Variants in STARD13 observed in about 807,000 individuals in gnomAD.
STARD13 encodes the protein StAR related lipid transfer domain containing 13.
STARD13 carries 62 observed loss-of-function variants against 106.4 expected under a neutral mutation model. That is an observed-to-expected ratio of 0.58 (90% confidence interval 0.48 to 0.72). The LOEUF (loss-of-function observed/expected upper bound fraction) is 0.72, where lower values mean the gene tolerates loss of function less well. Among genes scored for constraint, STARD13 ranks in the 30% least tolerant of loss-of-function variants. The pLI is 0.00. For missense variants in STARD13, 1,387 were observed against 1,424.0 expected (o/e 0.97, Z 0.42); for synonymous variants, 565 against 553.0 (o/e 1.02, Z -0.31).
At chr13:33,106,093 T>A (rs1224134198) in intron 13 of STARD13, among the ~76,000 whole-genome samples, 1 of 152,164 alleles carries the variant, frequency 6.6e-6, no homozygotes, top group South Asian at 2.1e-4. Context: ...CTCAAAGAAC[T>A]ACCAGAGGGA....
chr13:33,584,568 A>G, the STARD13 span, among the ~76,000 whole-genome samples: 1 of 152,020 alleles, frequency 6.6e-6, no homozygotes, highest in Non-Finnish European at 1.5e-5. Flanking sequence ...TTGGGGGTAA[A>G]GTGATATCTC....
chr13:33,433,913 T>C, the STARD13 span, among the ~76,000 whole-genome samples: 2 of 152,112 alleles, frequency 1.3e-5, no homozygotes, highest in African/African-American at 4.8e-5. Context: ...TTGTAATGAG[T>C]CACAATGCCC....
intron 1 of STARD13, among the ~76,000 whole-genome samples, chr13:33,306,141 G>T (rs1027444342): frequency 6.6e-6 from 1 of 152,092 alleles, no homozygotes; most frequent in African/African-American, 2.4e-5. Context: ...ATAGACCAAT[G>T]GAACAGGATA....
chr13:33,462,510 C>T, the STARD13 span, among the ~76,000 whole-genome samples: 9 of 152,204 alleles, frequency 5.9e-5, no homozygotes, highest in East Asian at 3.9e-4. Context: ...CATGATAGGC[C>T]GTCTGCAAGC....
In STARD13 at chr13:33,270,729, C is replaced by T. The variant is rs140052126; in HGVS notation, c.169+14741G>A. ...GTTCTACTTAAGGCTCATATTATTC[C>T]TTTGTTTTCAAGGTTCATTTTCTTT... On this transcript the variant is annotated intron_variant, in intron 1 of 13. Coordinates refer to ENST00000336934, the MANE Select transcript of STARD13 (RefSeq NM_178006.4). Among the ~76,000 whole-genome samples the T allele has an allele frequency of 5.9e-5, 9 of 152,242 alleles. No individual in the cohort carries two copies. In the East Asian group the frequency reaches 1.4e-3, roughly 23 times the overall value.
At chr13:33,367,066 G>T in the STARD13 span, among the ~76,000 whole-genome samples, 6 of 152,294 alleles carry the variant, frequency 3.9e-5, no homozygotes, top group Non-Finnish European at 5.9e-5. Flanking sequence ...ATTAAAATCA[G>T]TATATAGCCA....
At chr13:33,478,473 A>G in the STARD13 span, among the ~76,000 whole-genome samples, 18 of 152,214 alleles carry the variant, frequency 1.2e-4, no homozygotes, top group African/African-American at 4.3e-4. Context: ...ATCTTTGAAC[A>G]TGCACTTAAA....
chr13:33,273,765 T>C (rs1891275857), intron 1 of STARD13, among the ~76,000 whole-genome samples: 1 of 152,242 alleles, frequency 6.6e-6, no homozygotes, highest in Non-Finnish European at 1.5e-5. Flanking sequence ...TTACATGCAT[T>C]GTACAGCACT....
chr13:33,132,900 T>C (rs952367892), intron 4 of STARD13, among the ~76,000 whole-genome samples: 16 of 152,214 alleles, frequency 1.1e-4, no homozygotes, highest in African/African-American at 3.6e-4. Flanking sequence ...CTGTGATTGA[T>C]ATAATGAAAA....
chr13:33,379,638 T>C, the STARD13 span, among the ~76,000 whole-genome samples: 1 of 152,220 alleles, frequency 6.6e-6, no homozygotes, highest in Non-Finnish European at 1.5e-5. Flanking sequence ...TGGATGTAAA[T>C]ATAGATAAGT....
At chr13:33,372,389 T>C in the STARD13 span, among the ~76,000 whole-genome samples, 2 of 152,202 alleles carry the variant, frequency 1.3e-5, no homozygotes, top group East Asian at 3.9e-4. Flanking sequence ...AGTTACTCAG[T>C]AGTAATGTTT....
chr13:33,619,174 A>G, the STARD13 span, among the ~76,000 whole-genome samples: 44 of 149,358 alleles, frequency 2.9e-4, no homozygotes, highest in South Asian at 7.4e-3. Flanking sequence ...CACACCTCAG[A>G]TAAGGGACCT....
chr13:33,255,159 T>C (rs1434332399), intron 1 of STARD13, among the ~76,000 whole-genome samples: 1 of 151,730 alleles, frequency 6.6e-6, no homozygotes, highest in Non-Finnish European at 1.5e-5. Flanking sequence ...ACACCCTTGT[T>C]GCACATCCTA....
chr13:33,259,559 T>C (rs140935641), intron 1 of STARD13, among the ~76,000 whole-genome samples: 235 of 152,290 alleles, frequency 1.5e-3, no homozygotes, highest in African/African-American at 5.3e-3. Context: ...ATAGTTGTCA[T>C]GCAAAGAGAG....
the STARD13 span, among the ~76,000 whole-genome samples, chr13:33,582,099 G>A: frequency 6.6e-6 from 1 of 152,090 alleles, no homozygotes; most frequent in Non-Finnish European, 1.5e-5. Context: ...GTGGGTGCCT[G>A]TAGTCCCAGC....
At chr13:33,338,614 G>C (rs983302184) in intron 1 of STARD13, among the ~76,000 whole-genome samples, 5 of 152,094 alleles carry the variant, frequency 3.3e-5, no homozygotes, top group African/African-American at 1.2e-4. Flanking sequence ...AGAGTGAGCT[G>C]AATGTCTTAG....
chr13:33,489,508 G>A, the STARD13 span, among the ~76,000 whole-genome samples: 2 of 152,252 alleles, frequency 1.3e-5, no homozygotes, highest in African/African-American at 2.4e-5. Context: ...ATGACTTAGA[G>A]AAATTAAATG....
At chr13:33,233,901 C>T (rs1889053368) in intron 1 of STARD13, among the ~76,000 whole-genome samples, 1 of 152,204 alleles carries the variant, frequency 6.6e-6, no homozygotes, top group East Asian at 1.9e-4. Context: ...CTTGCACTTG[C>T]TTGCTCACGT....
chr13:33,475,623 T>C, the STARD13 span, among the ~76,000 whole-genome samples: 1 of 152,212 alleles, frequency 6.6e-6, no homozygotes, highest in Non-Finnish European at 1.5e-5. Context: ...TTACAATTTC[T>C]AAACATAAAT....
Sources: gnomAD v4.1 joint callset for allele counts (sites outside exome capture counted in the v4.1 genomes callset) on GRCh38, gnomAD v4.1.1 for gene constraint, MANE v1.5 for transcripts, NCBI Gene and HGNC (gene_info 2026-07-23, HGNC 2026-07-21) for gene names.